Variants in SLC38A6 observed in about 807,000 individuals in gnomAD.
SLC38A6 encodes the protein N system amino acid transporter NAT-1.
In SLC38A6, 73 loss-of-function variants were observed where a neutral mutation model predicts 65.0. The ratio of observed to expected loss-of-function variants is 1.12; its 90% CI spans 0.93 to 1.37. The LOEUF (loss-of-function observed/expected upper bound fraction) is 1.37. SLC38A6 is among the 40% of genes most tolerant of loss of function. The pLI, the probability that SLC38A6 is intolerant of heterozygous loss-of-function variation, is 0.00. For synonymous variants in SLC38A6, 183 were observed against 178.8 expected (o/e 1.02, Z -0.19); for missense variants, 561 against 531.1 (o/e 1.06, Z -0.55).
chr14:60,981,319 G>A lies in SLC38A6; in HGVS notation c.42G>A (p.Trp14Ter). 6.2e-7 allele frequency: 1 copy of A among 1,610,692 alleles called. No homozygotes were observed. The highest frequency in any genetic ancestry group is 8.5e-7 in the Non-Finnish European group (1 of 1,178,678). Residue 14 changes from tryptophan (W) to a stop codon, truncating the protein, a stop_gained, in exon 1 of 16, where the codon TGG (tryptophan) becomes TGA (stop). Transcript: ENST00000267488. LOFTEE classifies it high-confidence loss of function. ...SWGSFNAERG[W>*]YVSVQQPEEA... is the part of the protein sequence containing the mutation. ...GGAGCTTCAACGCTGAGCGGGGCTG[G>A]TATGTCTCTGTCCAGCAGCCTGAAG...
chr14:61,006,473 A>G (rs1480625051), intron 3 of SLC38A6, among the ~76,000 whole-genome samples: 1 of 152,206 alleles, frequency 6.6e-6, no homozygotes, highest in Non-Finnish European at 1.5e-5. Context: ...AACTCAAACA[A>G]ATTTACAGGA....
chr14:60,984,910 T>A (rs1326452278), intron 3 of SLC38A6, 107 bp downstream of exon 3: 1 of 1,056,730 alleles, frequency 9.5e-7, no homozygotes, highest in Non-Finnish European at 1.4e-6. Flanking sequence ...GCATACATTT[T>A]TATTAGATAG....
intron 4 of SLC38A6, among the ~76,000 whole-genome samples, chr14:61,017,232 AT>A (rs1311118298): frequency 2.0e-5 from 3 of 151,962 alleles, no homozygotes; most frequent in Non-Finnish European, 2.9e-5. Flanking sequence ...GTAGAGACAG[AT>A]TTCTCTATGT....
intron 2 of SLC38A6, among the ~76,000 whole-genome samples, chr14:60,984,424 T>C (rs1032202836): frequency 2.6e-5 from 4 of 151,916 alleles, no homozygotes; most frequent in East Asian, 1.9e-4. Flanking sequence ...TATTACAAGA[T>C]TATTTAATGG....
intron 2 of SLC38A6, among the ~76,000 whole-genome samples, chr14:60,983,900 C>G (rs1162198772): frequency 6.6e-6 from 1 of 152,082 alleles, no homozygotes; most frequent in Non-Finnish European, 1.5e-5. Context: ...TTTGGTGATG[C>G]TAAAGTGTTA....
At chr14:61,044,813 C>G (rs141092740) in intron 10 of SLC38A6, among the ~76,000 whole-genome samples, 1 of 152,134 alleles carries the variant, frequency 6.6e-6, no homozygotes, top group African/African-American at 2.4e-5. Flanking sequence ...TATTCATTCC[C>G]ATTGAAAGAG....
chr14:61,045,049 T>A (rs1412294814), intron 10 of SLC38A6, among the ~76,000 whole-genome samples: 1 of 152,150 alleles, frequency 6.6e-6, no homozygotes. Flanking sequence ...ATGTAATTTT[T>A]AAAATCTTAT....
intron 3 of SLC38A6, among the ~76,000 whole-genome samples, chr14:60,989,271 C>G (rs1457912613): frequency 1.3e-5 from 2 of 152,230 alleles, no homozygotes; most frequent in Non-Finnish European, 2.9e-5. Flanking sequence ...CTACATCACT[C>G]CAGCCACTTT....
intron 15 of SLC38A6, among the ~76,000 whole-genome samples, chr14:61,077,394 C>T (rs1369701498): frequency 6.6e-6 from 1 of 152,194 alleles, no homozygotes; most frequent in African/African-American, 2.4e-5. Context: ...ACTCTTTCCC[C>T]AGTCATTACT....
intron 14 of SLC38A6, 53 bp downstream of exon 14, chr14:61,051,984 C>A: frequency 6.2e-7 from 1 of 1,602,020 alleles, no homozygotes. Flanking sequence ...AAATTGCTAC[C>A]CAGCCTCACA....
intron 3 of SLC38A6, among the ~76,000 whole-genome samples, chr14:61,001,229 A>T (rs186713611): frequency 3.3e-5 from 5 of 152,320 alleles, no homozygotes; most frequent in African/African-American, 9.6e-5. Flanking sequence ...GCCAGGAATG[A>T]TGCTAAACAT....
Position 60,984,729 on chromosome 14 carries a change from G to A in SLC38A6, c.237-1G>A, listed in dbSNP as rs2037325319. 2 of 1,613,852 alleles carry A rather than the reference G, an allele frequency of 1.2e-6. No individual in the cohort carries two copies. Among genetic ancestry groups the A allele is most frequent in the African/African-American group, 2.7e-5 (2 of 75,004 alleles). ...TGACCAGGTGTTCTTTTATGTTTTA[G>A]CTTCTTGCTGCTGACAGTTGCTCTC... is the stretch of plus-strand genomic sequence containing the variant. On this transcript the variant is annotated splice_acceptor_variant, in intron 2 of 15. Transcript: ENST00000267488. LOFTEE classifies it high-confidence loss of function.
intron 15 of SLC38A6, among the ~76,000 whole-genome samples, chr14:61,062,749 C>T (rs1296756114): frequency 3.9e-5 from 6 of 152,160 alleles, no homozygotes; most frequent in East Asian, 1.9e-4. Flanking sequence ...GGTATAATCT[C>T]GGCTCACTGC....
intron 8 of SLC38A6, among the ~76,000 whole-genome samples, chr14:61,042,497 A>G (rs2041872315): frequency 2.0e-5 from 3 of 152,202 alleles, no homozygotes; most frequent in Admixed American, 6.5e-5. Context: ...TAAAAACATG[A>G]AACATTTTCA....
exon 17 of SLC38A6, chr14:61,083,612 A>G: frequency 6.4e-7 from 1 of 1,550,552 alleles, no homozygotes; most frequent in Non-Finnish European, 8.7e-7. Context: ...ACACAGCAAG[A>G]AGGCAACTGT....
chr14:61,044,579 T>G (rs2042017282), intron 10 of SLC38A6, among the ~76,000 whole-genome samples: 1 of 152,196 alleles, frequency 6.6e-6, no homozygotes, highest in African/African-American at 2.4e-5. Context: ...CTGGAATTTC[T>G]TTTGTTTAAG....
intron 7 of SLC38A6, 102 bp from the exon 8 acceptor site, chr14:61,037,523 C>T (rs2041477777): frequency 5.2e-6 from 4 of 767,574 alleles, no homozygotes; most frequent in Non-Finnish European, 8.5e-6. Context: ...GCCCCAGATA[C>T]CAACCACTAT....
intron 6 of SLC38A6, among the ~76,000 whole-genome samples, chr14:61,033,405 T>A (rs2041136933): frequency 6.6e-6 from 1 of 152,058 alleles, no homozygotes; most frequent in Non-Finnish European, 1.5e-5. Context: ...AAACAAGTTC[T>A]CTAGGAAGTA....
chr14:61,073,319 C>T (rs1239252763), intron 15 of SLC38A6, among the ~76,000 whole-genome samples: 1 of 152,060 alleles, frequency 6.6e-6, no homozygotes, highest in Non-Finnish European at 1.5e-5. Context: ...ATATTTTCTT[C>T]TGAAAGCACT....
Sources: allele counts gnomAD v4.1 joint callset (sites outside exome capture counted in the v4.1 genomes callset), GRCh38; gene constraint gnomAD v4.1.1; transcripts MANE v1.5; gene names NCBI Gene and HGNC (gene_info 2026-07-23, HGNC 2026-07-21).